The following SEZ6L variants were observed in gnomAD, a reference collection of about 807,000 sequenced individuals.
SEZ6L encodes seizure 6-like protein.
Under a neutral mutation model 106.2 loss-of-function variants are expected in SEZ6L, and 37 were observed. That is an observed-to-expected ratio of 0.35 (90% CI 0.27 to 0.46). The LOEUF is 0.46. Ranked by LOEUF, SEZ6L falls within the 20% of genes least tolerant of loss-of-function variation. The probability of loss-of-function intolerance (pLI) is 1.00; values close to 1 mark genes in which losing one functional copy is unlikely to be tolerated. For missense variants in SEZ6L, 1,172 were observed against 1,332.8 expected (o/e 0.88, Z 1.88); for synonymous variants, 541 against 570.4 (o/e 0.95, Z 0.73).
chr22:26,170,300 G>A (rs927002530), intron 1 of SEZ6L, among the ~76,000 whole-genome samples: 5 of 152,086 alleles, frequency 3.3e-5, no homozygotes, highest in Non-Finnish European at 4.4e-5. Context: ...ATCGATCTCA[G>A]CCAAGCGTCA....
rs182708774 is a variant in SEZ6L at position 26,350,838 on chromosome 22, A to G, written c.2408-214A>G. Among the ~76,000 whole-genome samples the G allele has an allele frequency of 2.3e-3, 357 of 151,948 alleles. 1 individual carries two copies. Among genetic ancestry groups the G allele is most frequent in the African/African-American group, 8.1e-3 (335 of 41,428 alleles). ...GGCCAGGCTAATTTTTTGTGTTTTT[A>G]GTAGAGACGGGGTTTCACCATGTTA... On this transcript the variant is annotated intron_variant, in intron 11 of 16. Transcript: ENST00000248933.
intron 1 of SEZ6L, among the ~76,000 whole-genome samples, chr22:26,285,313 C>T (rs537139860): frequency 3.0e-4 from 46 of 152,314 alleles, no homozygotes; most frequent in African/African-American, 1.0e-3. Flanking sequence ...GACGGAAACT[C>T]GGCTCTTGCT....
intron 9 of SEZ6L, among the ~76,000 whole-genome samples, chr22:26,314,808 C>T (rs925413337): frequency 6.6e-6 from 1 of 152,198 alleles, no homozygotes; most frequent in African/African-American, 2.4e-5. Context: ...GAGAACCCCC[C>T]CTGGGAGGTC....
Position 26,311,920 on chromosome 22 carries a change from G to A in SEZ6L, c.1834G>A (p.Val612Met). The A allele has an allele frequency of 6.2e-7, 1 of 1,613,990 alleles. No homozygotes were observed. Among genetic ancestry groups the A allele is most frequent in the East Asian group, 2.2e-5 (1 of 44,846 alleles). Residue 612 changes from valine (V) to methionine (M), a missense_variant, in exon 8 of 17, where the codon GTG (valine) becomes ATG (methionine). By Grantham distance (21) the Val-to-Met change is conservative. Around this residue, in one of 4 missense-constraint regions of SEZ6L, gnomAD observed 534 missense variants for 691.0 expected, o/e 0.77. Transcript: ENST00000248933. ...CCCGGCCATCATCGAATGCATCAATGTGCGGGACCCATACTGGAATGACAC... is the reference window on the plus strand; with the variant it reads ...CCCGGCCATCATCGAATGCATCAATATGCGGGACCCATACTGGAATGACAC... ...QGPAIIECIN[V>M]RDPYWNDTEP...
intron 14 of SEZ6L, among the ~76,000 whole-genome samples, chr22:26,374,313 G>A (rs1282296628): frequency 4.1e-5 from 6 of 148,142 alleles, no homozygotes; most frequent in Non-Finnish European, 8.9e-5. Flanking sequence ...TATTATTCCT[G>A]GAGCCATCTT....
intron 1 of SEZ6L, among the ~76,000 whole-genome samples, chr22:26,279,358 G>A (rs2080681293): frequency 6.6e-6 from 1 of 152,178 alleles, no homozygotes; most frequent in African/African-American, 2.4e-5. Flanking sequence ...CACCGACTCT[G>A]AGAGGAAGAG....
intron 1 of SEZ6L, among the ~76,000 whole-genome samples, chr22:26,229,320 T>C (rs1375222936): frequency 1.3e-5 from 2 of 152,218 alleles, no homozygotes; most frequent in Non-Finnish European, 2.9e-5. Flanking sequence ...TAATCAATTA[T>C]GTTAACCTTT....
chr22:26,204,164 A>G (rs1354811279), intron 1 of SEZ6L, among the ~76,000 whole-genome samples: 1 of 152,226 alleles, frequency 6.6e-6, no homozygotes, highest in Non-Finnish European at 1.5e-5. Context: ...CTGCCATTCA[A>G]TACATAGTTC....
intron 9 of SEZ6L, among the ~76,000 whole-genome samples, chr22:26,315,478 C>CAA (rs1285971820): frequency 1.4e-5 from 2 of 147,234 alleles, no homozygotes; most frequent in African/African-American, 5.0e-5. Context: ...GACCTTGTCT[C>CAA]AAAAAAAAAA....
intron 1 of SEZ6L, among the ~76,000 whole-genome samples, chr22:26,183,005 TC>T (rs1939514583): frequency 6.6e-6 from 1 of 152,136 alleles, no homozygotes; most frequent in South Asian, 2.1e-4. Context: ...CCAGACTCCT[TC>T]CCTGTTTCTA....
intron 12 of SEZ6L, among the ~76,000 whole-genome samples, chr22:26,358,228 G>C (rs1056653826): frequency 6.6e-6 from 1 of 152,188 alleles, no homozygotes; most frequent in Non-Finnish European, 1.5e-5. Context: ...TTGGGTAAAA[G>C]AAGGGCCTTT....
At chr22:26,344,997 C>G (rs1323262486) in intron 10 of SEZ6L, among the ~76,000 whole-genome samples, 1 of 152,220 alleles carries the variant, frequency 6.6e-6, no homozygotes, top group Non-Finnish European at 1.5e-5. Context: ...TGGGAACAGA[C>G]CATTCCAGAG....
intron 2 of SEZ6L, 69 bp downstream of exon 2, chr22:26,293,215 T>G (rs1261692852): frequency 2.9e-5 from 42 of 1,443,308 alleles, no homozygotes; most frequent in Non-Finnish European, 3.6e-5. Flanking sequence ...TCAGGGCATG[T>G]GGGTAGAGGA....
intron 10 of SEZ6L, among the ~76,000 whole-genome samples, chr22:26,345,534 T>C (rs1164506389): frequency 6.6e-6 from 1 of 152,150 alleles, no homozygotes; most frequent in East Asian, 1.9e-4. Context: ...GTGTCCCAAA[T>C]CCAGGGCTTG....
intron 9 of SEZ6L, among the ~76,000 whole-genome samples, chr22:26,314,877 C>T (rs754302354): frequency 1.3e-5 from 2 of 152,360 alleles, no homozygotes; most frequent in African/African-American, 2.4e-5. Flanking sequence ...AGAAAGCCAG[C>T]GAGCAGCGGG....
intron 1 of SEZ6L, among the ~76,000 whole-genome samples, chr22:26,234,697 T>A (rs1337362234): frequency 6.6e-6 from 1 of 152,226 alleles, no homozygotes; most frequent in Non-Finnish European, 1.5e-5. Flanking sequence ...TGAAGCTCAT[T>A]TTCCCAAACA....
chr22:26,256,321 T>C (rs2079820433), intron 1 of SEZ6L, among the ~76,000 whole-genome samples: 2 of 151,868 alleles, frequency 1.3e-5, no homozygotes, highest in Admixed American at 6.6e-5. Context: ...GAATAAGAGG[T>C]CACCTGAGTG....
At position 26,347,796 on chromosome 22, in the gene SEZ6L, G is replaced by C. The variant is rs1270670851; in HGVS notation, c.2290G>C (p.Val764Leu). The change falls in exon 11 of 17, where the codon GTG (valine) becomes CTG (leucine). Residue 764 changes from valine (V) to leucine (L), a missense_variant. Val to Leu is a conservative substitution (Grantham distance 32, BLOSUM62 1). This residue lies in a region of SEZ6L where 534 missense variants were observed against 691.0 expected (regional missense o/e 0.77). Transcript: ENST00000248933. ...GWKTTSHTEL[V>L]RGARITYQCD... ...GAAAACCACTTCTCACACGGAGTTGGTGCGGGGAGCCAGAATCACCTACCA... is the reference window on the plus strand; with the variant it reads ...GAAAACCACTTCTCACACGGAGTTGCTGCGGGGAGCCAGAATCACCTACCA... 6.2e-7 allele frequency: 1 copy of C among 1,609,448 alleles called. No individual in the cohort carries two copies. The highest frequency in any genetic ancestry group is 2.3e-5 in the East Asian group (1 of 44,330).
At chr22:26,233,301 C>T (rs535817146) in intron 1 of SEZ6L, among the ~76,000 whole-genome samples, 1 of 152,328 alleles carries the variant, frequency 6.6e-6, no homozygotes, top group Admixed American at 6.5e-5. Context: ...TGCCTTCATC[C>T]TGTCATGGGT....
Sources: allele counts gnomAD v4.1 joint callset (sites outside exome capture counted in the v4.1 genomes callset), GRCh38; gene constraint gnomAD v4.1.1; regional missense constraint gnomAD v4.1.1; transcripts MANE v1.5; gene names NCBI Gene and HGNC (gene_info 2026-07-23, HGNC 2026-07-21).